The following PLOD2 variants were observed in gnomAD, a reference collection of about 807,000 sequenced individuals.
The protein encoded by PLOD2 is procollagen-lysine,2-oxoglutarate 5-dioxygenase 2, also known as lysine hydroxylase 2.
PLOD2 carries 65 observed loss-of-function variants against 101.0 expected under a neutral mutation model. The observed-to-expected ratio is 0.64, with a 90% CI of 0.53 to 0.79. The LOEUF (loss-of-function observed/expected upper bound fraction) is 0.79. Ranked by LOEUF, PLOD2 falls within the 30% of genes least tolerant of loss-of-function variation. The probability of loss-of-function intolerance (pLI) is 0.00; values close to 1 mark genes in which losing one functional copy is unlikely to be tolerated. For missense variants in PLOD2, 909 were observed against 914.6 expected, an observed-to-expected ratio of 0.99 and a Z score of 0.08; for synonymous variants, 314 against 302.9, an observed-to-expected ratio of 1.04 and a Z score of -0.38.
In PLOD2 at chr3:146,097,366, G is replaced by A. The variant is rs1241462224; in HGVS notation, c.777+5389C>T. 3.9e-4 allele frequency among the ~76,000 whole-genome samples: 54 copies of A among 139,208 alleles called. 1 individual carries two copies. The South Asian group carries it at 0.013, about 33-fold the overall frequency. The allele number at this position is 139,208 out of a possible 152,430, so 91.3% of individuals were successfully genotyped here. A position where few individuals can be genotyped will look rare whatever the true frequency, so the allele number is the denominator to read the frequency against. On this transcript the variant is annotated intron_variant, in intron 7 of 19. Transcript: ENST00000282903. ...TTTTGTGGAATAGAAAGGCGGGAAG[G>A]GTGGGGAAAAAATTGAGAAATCTGA...
chr3:146,154,185 T>C (rs111751332), intron 1 of PLOD2, among the ~76,000 whole-genome samples: 82 of 152,340 alleles, frequency 5.4e-4, no homozygotes, highest in Non-Finnish European at 1.0e-3. Context: ...ATTTTAGCCA[T>C]ATGTTCACCA....
chr3:146,125,734 C>T (rs1258215974), intron 1 of PLOD2, among the ~76,000 whole-genome samples: 1 of 151,348 alleles, frequency 6.6e-6, no homozygotes, highest in Non-Finnish European at 1.5e-5. Context: ...GTGATGAGGC[C>T]CTAGTAAATG....
At chr3:146,072,758 C>T in intron 16 of PLOD2, 93 bp from the exon 17 acceptor site, 1 of 786,946 alleles carries the variant, frequency 1.3e-6, no homozygotes, top group East Asian at 2.7e-5. Context: ...ATAAAAAATC[C>T]TGTATGACTA....
chr3:146,145,549 C>T (rs1014872331), intron 1 of PLOD2, among the ~76,000 whole-genome samples: 15 of 152,074 alleles, frequency 9.9e-5, no homozygotes, highest in African/African-American at 3.6e-4. Flanking sequence ...CAGCCATAAG[C>T]TTAACTATAG....
chr3:146,151,654 C>T (rs189367910), intron 1 of PLOD2, among the ~76,000 whole-genome samples: 57 of 152,190 alleles, frequency 3.7e-4, no homozygotes, highest in African/African-American at 1.3e-3. Context: ...TGTGTTCTTC[C>T]CTGCAGCCCA....
intron 4 of PLOD2, among the ~76,000 whole-genome samples, chr3:146,108,599 C>T (rs1937576062): frequency 6.6e-6 from 1 of 152,098 alleles, no homozygotes; most frequent in South Asian, 2.1e-4. Flanking sequence ...TTTATATTTT[C>T]TGCCCTTCTC....
chr3:146,100,184 C>T (rs1178153602), intron 7 of PLOD2, among the ~76,000 whole-genome samples: 1 of 151,992 alleles, frequency 6.6e-6, no homozygotes, highest in Non-Finnish European at 1.5e-5. Flanking sequence ...CCCAGCCAAC[C>T]AATAGTAATT....
chr3:146,142,124 A>C (rs1251300309), intron 1 of PLOD2, among the ~76,000 whole-genome samples: 36 of 152,124 alleles, frequency 2.4e-4, no homozygotes, highest in Non-Finnish European at 5.9e-5. Context: ...TATAACTTTC[A>C]AAAAGATGAG....
At chr3:146,072,023 A>G (rs1265128989) in intron 17 of PLOD2, among the ~76,000 whole-genome samples, 1 of 151,704 alleles carries the variant, frequency 6.6e-6, no homozygotes, top group Non-Finnish European at 1.5e-5. Context: ...CTAAAATGGC[A>G]TGTCTGTTCT....
chr3:146,102,219 T>C (rs905092296), intron 7 of PLOD2, among the ~76,000 whole-genome samples: 3 of 152,200 alleles, frequency 2.0e-5, no homozygotes, highest in African/African-American at 7.2e-5. Context: ...CATCTATAAA[T>C]TTTGCAGTCA....
At chr3:146,146,026 C>A (rs968433492) in intron 1 of PLOD2, among the ~76,000 whole-genome samples, 2 of 152,158 alleles carry the variant, frequency 1.3e-5, no homozygotes, top group East Asian at 3.9e-4. Flanking sequence ...ACATAAATTT[C>A]TATTACTTAG....
At chr3:146,073,916 T>G (rs1369931406) in intron 15 of PLOD2, among the ~76,000 whole-genome samples, 1 of 151,642 alleles carries the variant, frequency 6.6e-6, no homozygotes. Context: ...ACTCTAAATT[T>G]GATTTTTTAA....
chr3:146,115,477 C>A (rs1038353059), intron 3 of PLOD2, among the ~76,000 whole-genome samples: 7 of 152,100 alleles, frequency 4.6e-5, no homozygotes, highest in African/African-American at 1.7e-4. Context: ...GGTTGAAAAT[C>A]TTTCATTCAC....
intron 1 of PLOD2, among the ~76,000 whole-genome samples, chr3:146,145,182 T>C (rs1211515734): frequency 6.6e-6 from 1 of 152,176 alleles, no homozygotes; most frequent in Non-Finnish European, 1.5e-5. Flanking sequence ...CAAATCCAGA[T>C]TCCCCAAATA....
chr3:146,128,230 A>G (rs574350800), intron 1 of PLOD2, among the ~76,000 whole-genome samples: 5 of 152,276 alleles, frequency 3.3e-5, no homozygotes, highest in African/African-American at 1.2e-4. Flanking sequence ...TGGTGCTTCA[A>G]TAACAGGCAC....
At chr3:146,096,985 G>T (rs1336464475) in intron 7 of PLOD2, among the ~76,000 whole-genome samples, 16 of 143,456 alleles carry the variant, frequency 1.1e-4, no homozygotes, top group South Asian at 6.7e-4. Context: ...CAGCCGCCCC[G>T]GCCGGGAGGG....
At chr3:146,136,623 C>A (rs1456254586) in intron 1 of PLOD2, among the ~76,000 whole-genome samples, 1 of 152,072 alleles carries the variant, frequency 6.6e-6, no homozygotes, top group African/African-American at 2.4e-5. Flanking sequence ...CATAATATTA[C>A]AATGGAGCTG....
At position 146,091,807 on chromosome 3, in the gene PLOD2, G is replaced by A. The variant is rs748996197; in HGVS notation, c.872C>T (p.Ala291Val). 27 of 1,555,764 alleles carry A rather than the reference G, an allele frequency of 1.7e-5. No homozygotes were observed. Among genetic ancestry groups the A allele is most frequent in the Non-Finnish European group, 2.2e-5 (25 of 1,127,272 alleles). ...ATAATCAATTCCACTTACATCTACT[G>A]CAGACAAGTCGACTGTATCGAATTC... ...LCEFDTVDLS[A>V]VDVHPNVSIG... Residue 291 changes from alanine (A) to valine (V), a missense_variant, in exon 8 of 20, where the codon GCA becomes GTA. By Grantham distance (64) the Ala-to-Val change is moderately conservative. Coordinates refer to ENST00000282903, the MANE Select transcript of PLOD2 (RefSeq NM_182943.3).
At chr3:146,123,279 G>T (rs1403737552) in intron 2 of PLOD2, 3 of 1,157,250 alleles carry the variant, frequency 2.6e-6, no homozygotes, top group South Asian at 1.7e-5. Flanking sequence ...GTATCTCCTT[G>T]TTCTCCTCTT....
Sources: allele counts gnomAD v4.1 joint callset (sites outside exome capture counted in the v4.1 genomes callset), GRCh38; gene constraint gnomAD v4.1.1; transcripts MANE v1.5; gene names NCBI Gene and HGNC (gene_info 2026-07-23, HGNC 2026-07-21).